GFRA2: variants seen among roughly 807,000 people sequenced by gnomAD.
GFRA2 encodes GDNF family receptor alpha-2.
In GFRA2, 17 loss-of-function variants were observed where a neutral mutation model predicts 48.3. The ratio of observed to expected loss-of-function variants is 0.35; its 90% CI spans 0.24 to 0.53. The LOEUF is 0.53. Among genes scored for constraint, GFRA2 ranks in the 20% least tolerant of loss-of-function variants. GFRA2 has a pLI of 0.93. For synonymous variants in GFRA2, 305 were observed against 257.2 expected (o/e 1.19, Z -1.78); for missense variants, 660 against 637.3 (o/e 1.04, Z -0.38).
upstream of GFRA2, chr8:21,790,076 G>A (rs1054490523): frequency 1.0e-6 from 1 of 985,340 alleles, no homozygotes; most frequent in Non-Finnish European, 1.2e-6. Flanking sequence ...TCACCGGCGT[G>A]TTTTAGTCGC....
chr8:21,758,948 A>T (rs2117632491), intron 3 of GFRA2, among the ~76,000 whole-genome samples: 1 of 152,306 alleles, frequency 6.6e-6, no homozygotes, highest in Admixed American at 6.5e-5. Context: ...GCAGAACCGG[A>T]GTCCCTGCAT....
intron 1 of GFRA2, among the ~76,000 whole-genome samples, chr8:21,810,636 G>A (rs1807960032): frequency 6.6e-6 from 1 of 152,222 alleles, no homozygotes; most frequent in Non-Finnish European, 1.5e-5. Flanking sequence ...CCTAGGATAT[G>A]CCATCATGGG....
intron 4 of GFRA2, among the ~76,000 whole-genome samples, chr8:21,709,785 C>T (rs1460716817): frequency 6.6e-6 from 1 of 152,222 alleles, no homozygotes; most frequent in African/African-American, 2.4e-5. Flanking sequence ...TTCTCCCATC[C>T]CTGACATTGG....
intron 3 of GFRA2, among the ~76,000 whole-genome samples, chr8:21,774,643 A>G (rs2117705731): frequency 6.6e-6 from 1 of 152,324 alleles, no homozygotes; most frequent in South Asian, 2.1e-4. Flanking sequence ...AAAGTGGAAG[A>G]GCTCCAAAGC....
chr8:21,778,443 T>C (rs1187410454), intron 2 of GFRA2, among the ~76,000 whole-genome samples: 1 of 152,146 alleles, frequency 6.6e-6, no homozygotes, highest in Non-Finnish European at 1.5e-5. Context: ...AGTAAGGGTG[T>C]ATTTTCTAGG....
intron 7 of GFRA2, among the ~76,000 whole-genome samples, chr8:21,701,444 G>T (rs545466535): frequency 6.6e-6 from 1 of 152,284 alleles, no homozygotes; most frequent in South Asian, 2.1e-4. Context: ...CTGAATCAGA[G>T]GCCCTTCCTC....
intron 7 of GFRA2, among the ~76,000 whole-genome samples, chr8:21,700,031 C>T (rs968966701): frequency 2.0e-5 from 3 of 152,144 alleles, no homozygotes; most frequent in African/African-American, 7.2e-5. Context: ...TGGACGGAAT[C>T]GGAGAAGGCA....
chr8:21,810,579 G>A (rs1807959047), intron 1 of GFRA2, among the ~76,000 whole-genome samples: 1 of 152,216 alleles, frequency 6.6e-6, no homozygotes, highest in Admixed American at 6.5e-5. Context: ...CATCAAAGGA[G>A]CTGTCACTCA....
chr8:21,782,784 G>T lies in GFRA2; in HGVS notation c.156C>A (p.Asn52Lys). 1 of 1,588,370 alleles carries T rather than the reference G, an allele frequency of 6.3e-7. No individual in the cohort carries two copies. The highest frequency in any genetic ancestry group is 8.5e-7 in the Non-Finnish European group (1 of 1,170,750). Residue 52 changes from asparagine to lysine, a missense_variant, in exon 2 of 9, where the codon AAC becomes AAA. Transcript: ENST00000524240. Reference sequence around the variant, plus strand: ...GCAGAGTGCGGTAGCGAGAGCTGCAGTTGGATTCGGCGGCACACAGCTCAT... The same window carrying T: ...GCAGAGTGCGGTAGCGAGAGCTGCATTTGGATTCGGCGGCACACAGCTCAT... ...RANELCAAES[N>K]CSSRYRTLRQ... is the part of the protein sequence containing the mutation.
At chr8:21,811,569 C>T (rs1807981373) in intron 1 of GFRA2, among the ~76,000 whole-genome samples, 1 of 152,142 alleles carries the variant, frequency 6.6e-6, no homozygotes, top group African/African-American at 2.4e-5. Context: ...GAGGAACAGT[C>T]TCGGCTTGAG....
In GFRA2 at chr8:21,768,639, A is replaced by G. The variant is rs550016038; in HGVS notation, c.439+6333T>C. ...AAGGGGCTTCCCTAGACACCGGCCG[A>G]GCAAAGCCGGGCCCAATCCTCCCAC... On this transcript the variant is annotated intron_variant, in intron 3 of 8. Coordinates refer to ENST00000524240, the MANE Select transcript of GFRA2 (RefSeq NM_001495.5). Among the ~76,000 whole-genome samples, 14 of 152,168 alleles carry G rather than the reference A, an allele frequency of 9.2e-5. No individual in the cohort carries two copies. In the South Asian group the frequency reaches 2.7e-3, roughly 29 times the overall value.
rs369738832 is a variant in GFRA2, at chr8:21,700,727, T to C, written c.1218+2078A>G. 3.8e-3 allele frequency among the ~76,000 whole-genome samples: 578 copies of C among 152,086 alleles called. 2 individuals are homozygous for C. The highest frequency in any genetic ancestry group is 0.013 in the African/African-American group (548 of 41,474). On this transcript the variant is annotated intron_variant, in intron 7 of 8. Coordinates refer to ENST00000524240, the MANE Select transcript of GFRA2 (RefSeq NM_001495.5). ...ACCATCTCTGGGGTTCCCTAAGCCTTCCCCCAAGGAAGAAGGAAGGACAGA... is the reference window on the plus strand; with the variant it reads ...ACCATCTCTGGGGTTCCCTAAGCCTCCCCCCAAGGAAGAAGGAAGGACAGA...
intron 4 of GFRA2, among the ~76,000 whole-genome samples, chr8:21,740,085 G>A (rs1051040560): frequency 2.6e-5 from 4 of 152,120 alleles, no homozygotes; most frequent in Non-Finnish European, 4.4e-5. Context: ...GACCAACAGT[G>A]GTGTGCTCCC....
chr8:21,801,069 T>C (rs1348021707), intron 2 of GFRA2, among the ~76,000 whole-genome samples: 1 of 152,168 alleles, frequency 6.6e-6, no homozygotes, highest in African/African-American at 2.4e-5. Context: ...CAGCCCCTGC[T>C]GGAATCTGAC....
At chr8:21,739,018 C>A (rs1804621306) in intron 4 of GFRA2, among the ~76,000 whole-genome samples, 1 of 152,150 alleles carries the variant, frequency 6.6e-6, no homozygotes, top group South Asian at 2.1e-4. Context: ...TCTATTTGAC[C>A]CCAGCTCATC....
chr8:21,779,997 G>C (rs1806895509), intron 2 of GFRA2, among the ~76,000 whole-genome samples: 1 of 150,828 alleles, frequency 6.6e-6, no homozygotes, highest in Non-Finnish European at 1.5e-5. Flanking sequence ...CTTCTTCATG[G>C]CAACATCGCC....
intron 2 of GFRA2, among the ~76,000 whole-genome samples, chr8:21,776,659 T>C (rs887045719): frequency 6.6e-6 from 1 of 151,888 alleles, no homozygotes; most frequent in African/African-American, 2.4e-5. Context: ...TTAGTAGAGA[T>C]GGGGTTTCAC....
At chr8:21,794,158 A>G (rs1807626928) in intron 2 of GFRA2, among the ~76,000 whole-genome samples, 1 of 150,642 alleles carries the variant, frequency 6.6e-6, no homozygotes, top group Non-Finnish European at 1.5e-5. Flanking sequence ...CCAGCCTGAA[A>G]TTACTTTTAA....
At chr8:21,708,371 T>A (rs952661147) in intron 4 of GFRA2, among the ~76,000 whole-genome samples, 2 of 151,068 alleles carry the variant, frequency 1.3e-5, no homozygotes, top group Non-Finnish European at 3.0e-5. Context: ...TGAGAGAGAG[T>A]GCTATGAGAG....
Sources: gnomAD v4.1 joint callset for allele counts (sites outside exome capture counted in the v4.1 genomes callset) on GRCh38, gnomAD v4.1.1 for gene constraint, MANE v1.5 for transcripts, NCBI Gene and HGNC (gene_info 2026-07-23, HGNC 2026-07-21) for gene names.